SLC14A2: variants seen among roughly 807,000 people sequenced by gnomAD.
The protein encoded by SLC14A2 is solute carrier family 14 member 2, also known as urea transporter 2.
In SLC14A2, 91 loss-of-function variants were observed where a neutral mutation model predicts 104.6. The ratio of observed to expected loss-of-function variants is 0.87; its 90% CI spans 0.73 to 1.04. The LOEUF (loss-of-function observed/expected upper bound fraction) is 1.04, where lower values mean the gene tolerates loss of function less well. Among genes scored for constraint, SLC14A2 ranks in the 50% least tolerant of loss-of-function variants. SLC14A2 has a pLI of 0.00. For synonymous variants in SLC14A2, 476 were observed against 466.4 expected, an observed-to-expected ratio of 1.02 and a Z score of -0.27; for missense variants, 1,189 against 1,156.0, an observed-to-expected ratio of 1.03 and a Z score of -0.41.
At chr18:45,541,231 G>A (rs9960647) in intron 2 of SLC14A2, among the ~76,000 whole-genome samples, 2,143 of 152,298 alleles carry the variant, frequency 0.014, 44 homozygotes, top group African/African-American at 0.049. Context: ...GTGTGCACAC[G>A]TGTGCCCCTG....
intron 1 of SLC14A2, among the ~76,000 whole-genome samples, chr18:45,360,232 G>T (rs1194103960): frequency 6.6e-6 from 1 of 152,206 alleles, no homozygotes. Flanking sequence ...CCCAGGCATT[G>T]TTGGAACCAC....
chr18:45,595,631 CTCCTT>C (rs1457159468), intron 2 of SLC14A2, among the ~76,000 whole-genome samples: 1 of 152,180 alleles, frequency 6.6e-6, no homozygotes, highest in Non-Finnish European at 1.5e-5. Flanking sequence ...CAATTAGATT[CTCCTT>C]TCCATGTGTG....
intron 1 of SLC14A2, among the ~76,000 whole-genome samples, chr18:45,442,430 G>A (rs1001422554): frequency 2.6e-5 from 4 of 152,060 alleles, no homozygotes; most frequent in African/African-American, 9.7e-5. Flanking sequence ...TGGTTTGCTG[G>A]CAATCTTTGA....
At chr18:45,610,865 C>T (rs1057175834), upstream of SLC14A2, among the ~76,000 whole-genome samples, 1 of 152,200 alleles carries the variant, frequency 6.6e-6, no homozygotes, top group African/African-American at 2.4e-5. Context: ...TACTACCTGT[C>T]AGTCTTCCAC....
At chr18:45,317,158 T>C (rs900417576) in intron 1 of SLC14A2, among the ~76,000 whole-genome samples, 1 of 152,224 alleles carries the variant, frequency 6.6e-6, no homozygotes, top group Admixed American at 6.5e-5. Flanking sequence ...TAACTTACCT[T>C]GCTAGGCTCA....
intron 2 of SLC14A2, among the ~76,000 whole-genome samples, chr18:45,604,717 A>C (rs1008883208): frequency 1.3e-5 from 2 of 152,236 alleles, no homozygotes; most frequent in East Asian, 3.9e-4. Context: ...ATATGTGTAC[A>C]TACATCAGCT....
At chr18:45,367,426 G>T (rs9967128) in intron 1 of SLC14A2, among the ~76,000 whole-genome samples, 3,737 of 152,104 alleles carry the variant, frequency 0.025, 154 homozygotes, top group African/African-American at 0.084. Flanking sequence ...ACAAGAACAA[G>T]GAAAAGAAAA....
At chr18:45,204,918 G>A in the SLC14A2 span, among the ~76,000 whole-genome samples, 1 of 152,172 alleles carries the variant, frequency 6.6e-6, no homozygotes, top group Admixed American at 6.5e-5. Flanking sequence ...GAAGAGAGAA[G>A]TTTGTATGAA....
intron 10 of SLC14A2, among the ~76,000 whole-genome samples, chr18:45,657,611 G>A (rs1162007525): frequency 6.6e-6 from 1 of 152,102 alleles, no homozygotes; most frequent in Non-Finnish European, 1.5e-5. Context: ...AACTTCCAAT[G>A]GGGAGTAAGG....
intron 1 of SLC14A2, among the ~76,000 whole-genome samples, chr18:45,354,471 G>C (rs566475535): frequency 6.8e-4 from 104 of 152,356 alleles, no homozygotes; most frequent in African/African-American, 2.5e-3. Flanking sequence ...AGTGACACAA[G>C]AGAACAACCA....
At chr18:45,497,587 C>T (rs1401992290) in intron 2 of SLC14A2, among the ~76,000 whole-genome samples, 2 of 152,156 alleles carry the variant, frequency 1.3e-5, no homozygotes, top group Admixed American at 6.5e-5. Flanking sequence ...CCAACGAAAT[C>T]CATTTCCAGC....
intron 1 of SLC14A2, among the ~76,000 whole-genome samples, chr18:45,233,571 C>T (rs539159390): frequency 6.6e-6 from 1 of 152,306 alleles, no homozygotes; most frequent in African/African-American, 2.4e-5. Context: ...AAAGTAATCT[C>T]TGTGGCTCTG....
intron 1 of SLC14A2, among the ~76,000 whole-genome samples, chr18:45,364,540 A>G (rs1356994384): frequency 6.6e-6 from 1 of 152,246 alleles, no homozygotes; most frequent in Non-Finnish European, 1.5e-5. Context: ...ACATATGTGC[A>G]TGTATATGTG....
intron 11 of SLC14A2, among the ~76,000 whole-genome samples, chr18:45,665,201 C>G (rs924749687): frequency 7.2e-5 from 11 of 152,144 alleles, no homozygotes; most frequent in Admixed American, 5.9e-4. Flanking sequence ...TTTTGACACC[C>G]TGACGACTCA....
rs143919358 is a variant in SLC14A2, at chr18:45,405,231, G to T, written c.-124-78002G>T. 9.5e-4 allele frequency among the ~76,000 whole-genome samples: 144 copies of T among 152,272 alleles called. 2 individuals are homozygous for T. The East Asian group carries it at 0.026, about 27-fold the overall frequency. ...CAAGAACAAAAGACAAAAGAAGACTGGGGACCATCTTTGGAGTTCTGATAT... is the reference window on the plus strand; with the variant it reads ...CAAGAACAAAAGACAAAAGAAGACTTGGGACCATCTTTGGAGTTCTGATAT... On this transcript the variant is annotated intron_variant, in intron 1 of 20. Coordinates refer to the SLC14A2 transcript ENST00000586448.
At chr18:45,331,525 C>T (rs915092264) in intron 1 of SLC14A2, among the ~76,000 whole-genome samples, 7 of 151,456 alleles carry the variant, frequency 4.6e-5, no homozygotes, top group African/African-American at 1.2e-4. Flanking sequence ...CCTGTCTGTA[C>T]TAAAAATAAA....
chr18:45,319,804 A>C (rs1303724115), intron 1 of SLC14A2, among the ~76,000 whole-genome samples: 2 of 152,236 alleles, frequency 1.3e-5, no homozygotes, highest in African/African-American at 4.8e-5. Flanking sequence ...TAGAAGTTGT[A>C]GATAAATGGC....
At chr18:45,391,781 A>T (rs1285458048) in intron 1 of SLC14A2, among the ~76,000 whole-genome samples, 29 of 151,718 alleles carry the variant, frequency 1.9e-4, no homozygotes, top group Admixed American at 1.7e-3. Context: ...TTGTTTGTTT[A>T]TTTCTTGTAC....
intron 2 of SLC14A2, among the ~76,000 whole-genome samples, chr18:45,496,442 G>T (rs554377162): frequency 2.6e-5 from 4 of 152,272 alleles, no homozygotes; most frequent in Admixed American, 6.5e-5. Context: ...CCAATTGGCT[G>T]CCAGGGTAGC....
Sources: allele counts gnomAD v4.1 joint callset (sites outside exome capture counted in the v4.1 genomes callset), GRCh38; gene constraint gnomAD v4.1.1; transcripts MANE v1.5; gene names NCBI Gene and HGNC (gene_info 2026-07-23, HGNC 2026-07-21).